The following GUSB variants were observed in gnomAD, a reference collection of about 807,000 sequenced individuals.
GUSB encodes glucuronidase beta, also known as beta-glucuronidase.
A neutral mutation model predicts 74.6 loss-of-function variants in GUSB; 51 were observed. The ratio of observed to expected loss-of-function variants is 0.68; its 90% confidence interval spans 0.55 to 0.86. The LOEUF (loss-of-function observed/expected upper bound fraction) is 0.86, where lower values mean the gene tolerates loss of function less well. Among genes scored for constraint, GUSB ranks in the 40% least tolerant of loss-of-function variants. The pLI is 0.00. For synonymous variants in GUSB, 360 were observed against 348.3 expected (o/e 1.03, Z -0.37); for missense variants, 736 against 853.7 (o/e 0.86, Z 1.72).
chr7:65,978,047 T>A (rs1199157802), intron 4 of GUSB, among the ~76,000 whole-genome samples: 2 of 150,066 alleles, frequency 1.3e-5, no homozygotes, highest in Admixed American at 6.6e-5. Context: ...CCTGACCTCG[T>A]GATCCCCCCA....
intron 10 of GUSB, among the ~76,000 whole-genome samples, chr7:65,967,457 C>T (rs568243863): frequency 2.6e-4 from 40 of 152,228 alleles, no homozygotes; most frequent in African/African-American, 9.6e-4. Flanking sequence ...GTCTCAAAAA[C>T]AAATACAAAT....
chr7:65,975,005 G>A lies in GUSB; in HGVS notation c.979C>T (p.Arg327Cys), dbSNP rs1363900325. Residue 327 changes from arginine (R) to cysteine (C), a missense_variant, in exon 6 of 12, where the codon CGC (arginine) becomes TGC (cysteine). Physicochemically the swap from Arg to Cys is radical, Grantham distance 180. Transcript: ENST00000304895. ...TGGCTCTTGGTGACAGCCACAGTGC[G>A]GATCCCCACAGGGAGTGTGTAGAAG... The part of the protein sequence containing the change: ...SDFYTLPVGI[R>C]TVAVTKSQFL... The A allele has an allele frequency of 7.4e-6, 12 of 1,612,982 alleles. No homozygotes were observed. The highest frequency in any genetic ancestry group is 4.5e-5 in the East Asian group (2 of 44,872).
chr7:65,981,838 C>G, intron 1 of GUSB, 136 bp downstream of exon 1: 2 of 776,194 alleles, frequency 2.6e-6, no homozygotes, highest in East Asian at 2.8e-5. Flanking sequence ...CCGGCGCCCC[C>G]AAGCCCGTTG....
chr7:65,970,178 C>G, intron 9 of GUSB, 104 bp downstream of exon 9: 1 of 776,790 alleles, frequency 1.3e-6, no homozygotes, highest in East Asian at 2.5e-5. Flanking sequence ...GAAATAAAAC[C>G]CAGACTGGCA....
chr7:65,982,179 G>C lies in GUSB; in HGVS notation c.5C>G (p.Ala2Gly). The C allele has an allele frequency of 2.0e-6, 3 of 1,512,144 alleles. No homozygotes were observed. Among genetic ancestry groups the C allele is most frequent in the East Asian group, 2.6e-5 (1 of 38,502 alleles). 93.7% of individuals were successfully genotyped at this position (1,512,144 alleles called of 1,614,324 possible). ...CGCCCAGGCAACCGCCGACCCCCGG[G>C]CCATGCTTCCCGGTCCCCCGCTCGG... M[A>G]RGSAVAWAAL... The change falls in exon 1 of 12, where the codon GCC (alanine) becomes GGC (glycine). Residue 2 changes from alanine (A) to glycine (G), a missense_variant. Around this residue, in one of 2 missense-constraint regions of GUSB, gnomAD observed 368 missense variants for 363.8 expected, o/e 1.01. Coordinates refer to ENST00000304895, the MANE Select transcript of GUSB (RefSeq NM_000181.4).
At chr7:65,971,838 C>T (rs1225478995) in intron 8 of GUSB, among the ~76,000 whole-genome samples, 3 of 151,656 alleles carry the variant, frequency 2.0e-5, no homozygotes, top group Non-Finnish European at 2.9e-5. Flanking sequence ...GTTGGGAGTT[C>T]GAGACCAGCC....
rs753206771 is a variant in GUSB, at chr7:65,974,906, A to C, written c.1065+13T>G. 6.2e-7 allele frequency: 1 copy of C among 1,613,188 alleles called. No individual in the cohort carries two copies. The highest frequency in any genetic ancestry group is 8.5e-7 in the Non-Finnish European group (1 of 1,179,592). On this transcript the variant is annotated intron_variant, in intron 6 of 11. Coordinates refer to ENST00000304895, the MANE Select transcript of GUSB (RefSeq NM_000181.4). ...GAAGCAGCCCCGACAAGGACCCAGG[A>C]GCCCCAACACACGTCCGCATCCTCA...
At chr7:65,963,792 C>T (rs1790656575) in intron 11 of GUSB, among the ~76,000 whole-genome samples, 1 of 152,198 alleles carries the variant, frequency 6.6e-6, no homozygotes. Flanking sequence ...GCGATCCTCC[C>T]ACCCTGACCT....
At chr7:65,978,173 C>G (rs536566614) in intron 4 of GUSB, among the ~76,000 whole-genome samples, 2 of 152,202 alleles carry the variant, frequency 1.3e-5, no homozygotes, top group South Asian at 2.1e-4. Flanking sequence ...AAATACAGAC[C>G]GAGCGCTGTG....
chr7:65,967,420 C>T (rs193289611), intron 10 of GUSB, among the ~76,000 whole-genome samples: 126 of 152,310 alleles, frequency 8.3e-4, no homozygotes, highest in African/African-American at 2.8e-3. Context: ...CACCACCACA[C>T]TCCAGCCTGG....
intron 1 of GUSB, 67 bp from the exon 2 acceptor site, chr7:65,980,476 G>A (rs953197383): frequency 6.3e-6 from 9 of 1,425,530 alleles, no homozygotes; most frequent in Admixed American, 3.8e-5. Context: ...TGTGCTGCAC[G>A]GCTGTGCCCC....
intron 1 of GUSB, 47 bp from the exon 2 acceptor site, chr7:65,980,456 C>T (rs921631911): frequency 1.3e-6 from 2 of 1,557,192 alleles, no homozygotes; most frequent in Admixed American, 1.8e-5. Context: ...CCAAAAGGGT[C>T]CAGGACCAGT....
At chr7:65,981,141 C>T (rs1476513988) in intron 1 of GUSB, among the ~76,000 whole-genome samples, 1 of 150,968 alleles carries the variant, frequency 6.6e-6, no homozygotes, top group Non-Finnish European at 1.5e-5. Context: ...GGGAGGTCAA[C>T]GTGGGAGGAT....
intron 4 of GUSB, 60 bp from the exon 5 acceptor site, chr7:65,976,262 G>T: frequency 8.3e-7 from 1 of 1,202,368 alleles, no homozygotes. Flanking sequence ...CACACAAACA[G>T]GAGCGCCCTG....
chr7:65,973,159 A>C (rs925849445), intron 8 of GUSB, among the ~76,000 whole-genome samples: 1 of 152,158 alleles, frequency 6.6e-6, no homozygotes, highest in African/African-American at 2.4e-5. Context: ...GGTGAAACCC[A>C]GTCTCTAATT....
chr7:65,980,185 G>GCTCCCCC, intron 2 of GUSB, 39 bp downstream of exon 2: 2 of 725,274 alleles, frequency 2.8e-6, no homozygotes, highest in Non-Finnish European at 4.9e-6. Context: ...CAGCAGCCGT[G>GCTCCCCC]CCCCCCCACC....
chr7:65,981,326 G>A (rs1413195066), intron 1 of GUSB, among the ~76,000 whole-genome samples: 2 of 151,422 alleles, frequency 1.3e-5, no homozygotes, highest in Non-Finnish European at 2.9e-5. Context: ...TCTACTCCCG[G>A]GTTCAAGCAA....
intron 4 of GUSB, among the ~76,000 whole-genome samples, chr7:65,978,173 C>T (rs536566614): frequency 1.3e-5 from 2 of 152,202 alleles, no homozygotes; most frequent in South Asian, 2.1e-4. Context: ...AAATACAGAC[C>T]GAGCGCTGTG....
intron 10 of GUSB, among the ~76,000 whole-genome samples, chr7:65,965,748 C>T (rs1790790820): frequency 6.6e-6 from 1 of 152,170 alleles, no homozygotes; most frequent in South Asian, 2.1e-4. Context: ...TGGTCTCAAA[C>T]TCCTGGGCTC....
Sources: allele counts gnomAD v4.1 joint callset (sites outside exome capture counted in the v4.1 genomes callset), GRCh38; gene constraint gnomAD v4.1.1; regional missense constraint gnomAD v4.1.1; transcripts MANE v1.5; gene names NCBI Gene and HGNC (gene_info 2026-07-23, HGNC 2026-07-21).